Variants in PDE8B observed in about 807,000 individuals in gnomAD.
PDE8B encodes high affinity cAMP-specific and IBMX-insensitive 3',5'-cyclic phosphodiesterase 8B.
A neutral mutation model predicts 101.3 loss-of-function variants in PDE8B; 26 were observed. The observed-to-expected ratio is 0.26, with a 90% CI of 0.19 to 0.36. The LOEUF (loss-of-function observed/expected upper bound fraction) is 0.36, where lower values mean the gene tolerates loss of function less well. Ranked by LOEUF, PDE8B falls within the 10% of genes least tolerant of loss-of-function variation. PDE8B has a pLI of 1.00. For missense variants in PDE8B, 810 were observed against 1,163.1 expected (o/e 0.70, Z 4.42); for synonymous variants, 424 against 429.3 (o/e 0.99, Z 0.15).
intron 20 of PDE8B, among the ~76,000 whole-genome samples, chr5:77,425,318 T>TG (rs982178089): frequency 2.6e-5 from 4 of 152,128 alleles, no homozygotes; most frequent in Non-Finnish European, 5.9e-5. Flanking sequence ...CCCAGCACTT[T>TG]GGGAGGCCAA....
chr5:77,183,704 T>G, the PDE8B span, among the ~76,000 whole-genome samples: 473 of 152,326 alleles, frequency 3.1e-3, 2 homozygotes, highest in African/African-American at 0.011. Flanking sequence ...TGTCTTTTCA[T>G]GTCAGCAAAG....
chr5:77,228,976 G>T (rs549381105), intron 1 of PDE8B, among the ~76,000 whole-genome samples: 1 of 152,152 alleles, frequency 6.6e-6, no homozygotes, highest in Non-Finnish European at 1.5e-5. Context: ...GAGATAGAAC[G>T]GTCTGGAATG....
At chr5:77,257,601 T>G (rs572853113) in intron 1 of PDE8B, among the ~76,000 whole-genome samples, 2 of 152,184 alleles carry the variant, frequency 1.3e-5, no homozygotes, top group East Asian at 3.9e-4. Flanking sequence ...GAAGGAGAAA[T>G]AAATAAATAA....
the PDE8B span, among the ~76,000 whole-genome samples, chr5:77,097,693 C>A: frequency 0.26 from 7,221 of 28,274 alleles, 667 homozygotes; most frequent in Admixed American, 0.36. Context: ...TTTTATATAT[C>A]TATATATATA....
the PDE8B span, among the ~76,000 whole-genome samples, chr5:77,098,163 T>C: frequency 6.6e-6 from 1 of 152,140 alleles, no homozygotes; most frequent in South Asian, 2.1e-4. Flanking sequence ...CTATAAATGA[T>C]TGTGTGTCTT....
the PDE8B span, chr5:77,092,405 CT>C: frequency 2.6e-5 from 4 of 152,232 alleles, no homozygotes; most frequent in Admixed American, 2.0e-4. Context: ...AAAAAACAAC[CT>C]TCAGTTCTTG....
At chr5:77,317,546 C>A (rs764962242) in intron 2 of PDE8B, among the ~76,000 whole-genome samples, 1 of 152,128 alleles carries the variant, frequency 6.6e-6, no homozygotes, top group Non-Finnish European at 1.5e-5. Context: ...CTGTGGAGCA[C>A]GTCTCTCCTG....
the PDE8B span, chr5:77,166,560 AGCATGTGCACGTGT>A: frequency 6.6e-6 from 1 of 152,354 alleles, no homozygotes; most frequent in East Asian, 1.9e-4. Flanking sequence ...GCCAGGTTAA[AGCATGTGCACGTGT>A]GCAAGTGTGT....
At chr5:77,217,291 A>C (rs1295318754) in intron 1 of PDE8B, among the ~76,000 whole-genome samples, 1 of 151,870 alleles carries the variant, frequency 6.6e-6, no homozygotes, top group Non-Finnish European at 1.5e-5. Context: ...CTGTCTTATC[A>C]GTTTATTCCA....
rs182211708 is a variant in PDE8B at position 77,356,964 on chromosome 5, T to C, written c.1167+3558T>C. Among the ~76,000 whole-genome samples the C allele has an allele frequency of 3.9e-5, 6 of 152,316 alleles. No homozygotes were observed. The East Asian group carries it at 7.7e-4, about 20-fold the overall frequency. ...AGCAATGAGTCAGCTCCAGACTCAC[T>C]GAGCCTCCAGGAAAAGATACTGTAA... On this transcript the variant is annotated intron_variant, in intron 10 of 21. Transcript: ENST00000264917.
chr5:77,191,969 A>G, the PDE8B span, among the ~76,000 whole-genome samples: 1 of 152,166 alleles, frequency 6.6e-6, no homozygotes, highest in Non-Finnish European at 1.5e-5. Context: ...TGCAACCTAG[A>G]TCCGTTGCAT....
In PDE8B at chr5:77,427,214, G is replaced by A. The variant is rs544557473; in HGVS notation, c.*660G>A. On this transcript the variant is annotated 3_prime_UTR_variant, in exon 22 of 22. Coordinates refer to ENST00000264917, the MANE Select transcript of PDE8B (RefSeq NM_003719.5). ...CTCTAGACTGGTATCAGCAGCCTGT[G>A]TAACCCCTTTCCTGTAAAAGGGGTT... 6 of 152,712 alleles carry A rather than the reference G, an allele frequency of 3.9e-5. No homozygotes were observed. The highest frequency in any genetic ancestry group is 5.9e-5 in the Non-Finnish European group (4 of 68,128). 9.5% of individuals were successfully genotyped at this position (152,712 alleles called of 1,614,324 possible). A position where few individuals can be genotyped will look rare whatever the true frequency, so the allele number is the denominator to read the frequency against.
At chr5:77,290,169 C>T (rs1766952749) in intron 1 of PDE8B, 6 of 1,421,536 alleles carry the variant, frequency 4.2e-6, no homozygotes, top group Non-Finnish European at 5.8e-6. Context: ...TCTGGTCTTA[C>T]ATTAAAAACC....
At chr5:77,113,972 C>T in the PDE8B span, 1 of 152,190 alleles carries the variant, frequency 6.6e-6, no homozygotes. Context: ...GATACCATCA[C>T]ACCAGTTAGA....
At chr5:77,128,161 C>A in the PDE8B span, among the ~76,000 whole-genome samples, 1 of 152,212 alleles carries the variant, frequency 6.6e-6, no homozygotes, top group East Asian at 1.9e-4. Context: ...ATAGTTACCA[C>A]TTGACCCAGA....
At chr5:77,331,547 G>A (rs1439434388) in intron 5 of PDE8B, 88 bp downstream of exon 5, 2 of 1,022,838 alleles carry the variant, frequency 2.0e-6, no homozygotes, top group African/African-American at 1.6e-5. Context: ...CTGCCACGGA[G>A]AACTGTTAAG....
chr5:77,169,577 C>A, the PDE8B span, among the ~76,000 whole-genome samples: 2 of 152,084 alleles, frequency 1.3e-5, no homozygotes, highest in African/African-American at 4.8e-5. Context: ...GCAGCAGCAG[C>A]ATGTGCAAAT....
intron 1 of PDE8B, among the ~76,000 whole-genome samples, chr5:77,250,805 C>G (rs1488536723): frequency 6.6e-6 from 1 of 152,168 alleles, no homozygotes; most frequent in African/African-American, 2.4e-5. Flanking sequence ...CCTGGGCCGC[C>G]AAGGTCCCTC....
At chr5:77,339,337 GA>G (rs2150353516) in intron 6 of PDE8B, among the ~76,000 whole-genome samples, 1 of 152,316 alleles carries the variant, frequency 6.6e-6, no homozygotes, top group South Asian at 2.1e-4. Flanking sequence ...GTGGCCCCAG[GA>G]AAGAAGGTTT....
Sources: gnomAD v4.1 joint callset for allele counts (sites outside exome capture counted in the v4.1 genomes callset) on GRCh38, gnomAD v4.1.1 for gene constraint, MANE v1.5 for transcripts, NCBI Gene and HGNC (gene_info 2026-07-23, HGNC 2026-07-21) for gene names.